ZNF44: variants seen among roughly 807,000 people sequenced by gnomAD.
ZNF44 encodes the protein gonadotropin inducible transcription repressor-2.
A neutral mutation model predicts 11.7 loss-of-function variants in ZNF44; 9 were observed. That is an observed-to-expected ratio of 0.77 (90% CI 0.46 to 1.35). The LOEUF (loss-of-function observed/expected upper bound fraction) is 1.35. ZNF44 is among the 40% of genes most tolerant of loss of function. The pLI is 0.00. For missense variants in ZNF44, 696 were observed against 743.1 expected (o/e 0.94, Z 0.74); for synonymous variants, 224 against 242.7 (o/e 0.92, Z 0.72).
chr19:12,283,793 A>G (rs1024068661), intron 1 of ZNF44, among the ~76,000 whole-genome samples: 11 of 152,132 alleles, frequency 7.2e-5, no homozygotes, highest in Non-Finnish European at 1.6e-4. Flanking sequence ...GGCAAGAGGA[A>G]CTCTTGAGGC....
intron 3 of ZNF44, among the ~76,000 whole-genome samples, chr19:12,228,194 A>AGTT (rs1289612508): frequency 9.5e-4 from 124 of 129,970 alleles, no homozygotes; most frequent in African/African-American, 3.6e-3. Flanking sequence ...TTAAACCTTC[A>AGTT]AAACAATTGT....
At chr19:12,238,531 GGCAGTAGAATT>G (rs1568422137), upstream of ZNF44, among the ~76,000 whole-genome samples, 1 of 151,522 alleles carries the variant, frequency 6.6e-6, no homozygotes, top group African/African-American at 2.4e-5. Context: ...GGGAGGTTGA[GGCAGTAGAATT>G]GCCTGAACCC....
downstream of ZNF44, among the ~76,000 whole-genome samples, chr19:12,247,014 C>T (rs909803814): frequency 1.1e-4 from 17 of 150,782 alleles, no homozygotes; most frequent in Middle Eastern, 3.2e-3. Flanking sequence ...CAAATATATA[C>T]GTATATATAT....
chr19:12,256,056 A>AC (rs1917244457), intron 5 of ZNF44, among the ~76,000 whole-genome samples: 2 of 150,170 alleles, frequency 1.3e-5, no homozygotes, highest in African/African-American at 2.5e-5. Context: ...AAAAAAAAAA[A>AC]AAAAAAAACA....
chr19:12,228,625 C>A (rs1252643536), intron 3 of ZNF44, among the ~76,000 whole-genome samples: 1 of 152,000 alleles, frequency 6.6e-6, no homozygotes, highest in Non-Finnish European at 1.5e-5. Context: ...TTGTAAACAT[C>A]TCTCTCTTTA....
At chr19:12,280,041 A>G (rs1431761130) in intron 1 of ZNF44, among the ~76,000 whole-genome samples, 1 of 151,990 alleles carries the variant, frequency 6.6e-6, no homozygotes, top group Admixed American at 6.6e-5. Context: ...TCTAATAGAT[A>G]TAGGTTTATT....
In ZNF44 at chr19:12,293,610, T is replaced by G. The variant is rs75899588; in HGVS notation, c.3+1082A>C. Among the ~76,000 whole-genome samples the G allele has an allele frequency of 2.2e-3, 334 of 152,232 alleles. 8 individuals carry two copies. In the South Asian group the frequency reaches 0.035, roughly 16 times the overall value. On this transcript the variant is annotated intron_variant, in intron 1 of 3. Transcript: ENST00000355684. ...ACAAACGACAAAATTCTGTGTCTAT[T>G]TGAAATATCGTCTTGCTGACAAAGG...
chr19:12,266,410 G>C, intron 5 of ZNF44: 1 of 923,378 alleles, frequency 1.1e-6, no homozygotes, highest in Non-Finnish European at 1.3e-6. Flanking sequence ...AGGGCGCCAA[G>C]GCGAGAGGGA....
In ZNF44 at chr19:12,264,980, G is replaced by A. The variant is rs555820303; in HGVS notation, c.1912+7507C>T. 2.0e-4 allele frequency among the ~76,000 whole-genome samples: 30 copies of A among 152,178 alleles called. No individual in the cohort carries two copies. The South Asian group carries it at 3.9e-3, about 20-fold the overall frequency. On this transcript the variant is annotated intron_variant and NMD_transcript_variant, in intron 5 of 7. Coordinates refer to the ZNF44 transcript ENST00000393337. Reference sequence around the variant, plus strand: ...CCCAAAATGCTGGGGTTACAGGCATGAGTCACTGTGCCCAGCCAGAAGTGG... The same window carrying A: ...CCCAAAATGCTGGGGTTACAGGCATAAGTCACTGTGCCCAGCCAGAAGTGG...
chr19:12,285,209 G>A (rs1367543176), intron 1 of ZNF44: 1 of 444,890 alleles, frequency 2.2e-6, no homozygotes, highest in African/African-American at 2.0e-5. Context: ...GAAAAATAAA[G>A]TAAATTAAGC....
chr19:12,281,761 C>T (rs1433854397), intron 1 of ZNF44, among the ~76,000 whole-genome samples: 1 of 152,056 alleles, frequency 6.6e-6, no homozygotes, highest in African/African-American at 2.4e-5. Flanking sequence ...CAACTAAGTG[C>T]CCACATATTT....
intron 1 of ZNF44, 30 bp downstream of exon 1, chr19:12,294,662 G>T: frequency 6.4e-7 from 1 of 1,555,848 alleles, no homozygotes; most frequent in African/African-American, 1.4e-5. Flanking sequence ...CCTTCGCCCT[G>T]CCTCAGGACG....
At chr19:12,294,589 C>A in intron 1 of ZNF44, 103 bp downstream of exon 1, 1 of 1,486,742 alleles carries the variant, frequency 6.7e-7, no homozygotes, top group Non-Finnish European at 9.0e-7. Flanking sequence ...GGTCCCAGAC[C>A]CCAAAGACGC....
chr19:12,274,944 A>G, intron 3 of ZNF44, 29 bp downstream of exon 3: 1 of 1,539,528 alleles, frequency 6.5e-7, no homozygotes, highest in Non-Finnish European at 8.9e-7. Flanking sequence ...CTGCAAGGAC[A>G]TCACCTGTCT....
At chr19:12,250,726 A>G (rs1005057100) in intron 5 of ZNF44, 7 of 455,660 alleles carry the variant, frequency 1.5e-5, no homozygotes, top group African/African-American at 8.0e-5. Context: ...ATTCCATGAG[A>G]CACAGGGTCA....
intron 3 of ZNF44, among the ~76,000 whole-genome samples, chr19:12,226,960 G>GGAA (rs1025458656): frequency 1.6e-4 from 24 of 152,084 alleles, no homozygotes; most frequent in African/African-American, 5.8e-4. Context: ...CAGCTACTTG[G>GGAA]GAAGCTGACA....
chr19:12,255,933 G>A (rs1917234480), intron 5 of ZNF44, among the ~76,000 whole-genome samples: 1 of 151,412 alleles, frequency 6.6e-6, no homozygotes, highest in Non-Finnish European at 1.5e-5. Context: ...CTACTAGGGA[G>A]GCTGAGGCAG....
chr19:12,287,498 G>A (rs1967814355), intron 1 of ZNF44, among the ~76,000 whole-genome samples: 2 of 152,150 alleles, frequency 1.3e-5, no homozygotes, highest in Non-Finnish European at 2.9e-5. Context: ...ACAAGCGTGA[G>A]ACACCGTGCC....
upstream of ZNF44, among the ~76,000 whole-genome samples, chr19:12,241,775 T>G (rs569373325): frequency 2.0e-5 from 3 of 152,280 alleles, no homozygotes; most frequent in East Asian, 5.8e-4. Flanking sequence ...CAAAAGAGTT[T>G]TGTGGAAACA....
Sources: allele counts gnomAD v4.1 joint callset (sites outside exome capture counted in the v4.1 genomes callset), GRCh38; gene constraint gnomAD v4.1.1; transcripts MANE v1.5; gene names NCBI Gene and HGNC (gene_info 2026-07-23, HGNC 2026-07-21).